PTPRD: variants seen among roughly 807,000 people sequenced by gnomAD.
PTPRD encodes the protein receptor-type tyrosine-protein phosphatase delta.
In PTPRD, 34 loss-of-function variants were observed where a neutral mutation model predicts 214.5. That is an observed-to-expected ratio of 0.16 (90% confidence interval 0.12 to 0.21). PTPRD has a LOEUF of 0.21. Ranked by LOEUF, PTPRD falls within the 10% of genes least tolerant of loss-of-function variation. PTPRD has a pLI of 1.00. For synonymous variants in PTPRD, 1,128 were observed against 845.7 expected (o/e 1.33, Z -5.79); for missense variants, 2,545 against 2,398.7 (o/e 1.06, Z -1.27).
At chr9:10,403,807 GAC>G (rs1449438756) in intron 2 of PTPRD, among the ~76,000 whole-genome samples, 1 of 151,754 alleles carries the variant, frequency 6.6e-6, no homozygotes, top group Non-Finnish European at 1.5e-5. Flanking sequence ...AAACTGTGGA[GAC>G]AGTTAAAAGA....
At chr9:10,479,859 T>C (rs1453069054) in intron 2 of PTPRD, among the ~76,000 whole-genome samples, 3 of 152,028 alleles carry the variant, frequency 2.0e-5, no homozygotes, top group East Asian at 1.9e-4. Context: ...TGCTGAAAAG[T>C]ACATTCCTAA....
chr9:8,408,426 G>A (rs933996263), intron 35 of PTPRD, among the ~76,000 whole-genome samples: 1 of 152,008 alleles, frequency 6.6e-6, no homozygotes, highest in African/African-American at 2.4e-5. Flanking sequence ...GGATACCCTT[G>A]CCTTCCCAGC....
chr9:10,422,983 C>G (rs1470010221), intron 2 of PTPRD, among the ~76,000 whole-genome samples: 2 of 152,066 alleles, frequency 1.3e-5, no homozygotes, highest in African/African-American at 4.8e-5. Flanking sequence ...ATAAATCATG[C>G]CACTATAAAG....
intron 12 of PTPRD, among the ~76,000 whole-genome samples, chr9:8,683,739 G>T (rs1322581466): frequency 6.6e-6 from 1 of 152,196 alleles, no homozygotes; most frequent in Non-Finnish European, 1.5e-5. Context: ...TGGAAGTGAT[G>T]CTATGTGAGT....
At chr9:9,059,865 C>A (rs1461799895) in intron 10 of PTPRD, among the ~76,000 whole-genome samples, 3 of 151,900 alleles carry the variant, frequency 2.0e-5, no homozygotes, top group Non-Finnish European at 4.4e-5. Flanking sequence ...AGGACCCCTA[C>A]AAATAAAATA....
chr9:10,191,344 A>T (rs1025517003), intron 3 of PTPRD, among the ~76,000 whole-genome samples: 1 of 152,148 alleles, frequency 6.6e-6, no homozygotes, highest in African/African-American at 2.4e-5. Context: ...TAAAACTAAT[A>T]CAAATGACAG....
chr9:9,790,575 G>A (rs942228629), intron 5 of PTPRD, among the ~76,000 whole-genome samples: 7 of 152,046 alleles, frequency 4.6e-5, no homozygotes, highest in South Asian at 4.1e-4. Context: ...TTCTTCCTAT[G>A]AACTCAATAC....
intron 11 of PTPRD, among the ~76,000 whole-genome samples, chr9:8,762,163 A>C (rs911396467): frequency 1.3e-5 from 2 of 152,154 alleles, no homozygotes; most frequent in Non-Finnish European, 2.9e-5. Context: ...CACTAAATTA[A>C]ATATATTAGT....
At chr9:9,511,423 T>C (rs1342478102) in intron 8 of PTPRD, among the ~76,000 whole-genome samples, 1 of 151,710 alleles carries the variant, frequency 6.6e-6, no homozygotes, top group Non-Finnish European at 1.5e-5. Flanking sequence ...AGCTGTCAAA[T>C]GGCAAAATCA....
rs58409105 is a variant in PTPRD at position 10,462,734 on chromosome 9, T to TA, written c.-599-121718dup. On this transcript the variant is annotated intron_variant, in intron 2 of 45. Transcript: ENST00000381196. ...AAAGGAAAAAAAAGAAGGATATAAG[T>TA]AAAAAAAAAAAATACTGCATTTCAC... Among the ~76,000 whole-genome samples the TA allele has an allele frequency of 9.0e-4, 128 of 142,202 alleles. 1 individual carries two copies. The highest frequency in any genetic ancestry group is 2.7e-3 in the South Asian group (12 of 4,498). 93.3% of individuals were successfully genotyped at this position (142,202 alleles called of 152,430 possible).
chr9:10,052,759 T>C (rs2154155603), intron 3 of PTPRD, among the ~76,000 whole-genome samples: 1 of 152,250 alleles, frequency 6.6e-6, no homozygotes, highest in South Asian at 2.1e-4. Flanking sequence ...CGAAATTCTT[T>C]CTTTCTTCAA....
intron 2 of PTPRD, among the ~76,000 whole-genome samples, chr9:10,601,713 A>C (rs945148354): frequency 2.0e-5 from 3 of 151,698 alleles, no homozygotes; most frequent in Admixed American, 6.6e-5. Flanking sequence ...TTTTTTAACC[A>C]CTGCTCCTTC....
At chr9:9,690,505 T>C (rs1396321894) in intron 7 of PTPRD, among the ~76,000 whole-genome samples, 3 of 151,890 alleles carry the variant, frequency 2.0e-5, no homozygotes, top group African/African-American at 4.8e-5. Context: ...CATTTGTTTT[T>C]GTTGTCTGTG....
At chr9:8,908,056 A>G (rs1028455804) in intron 11 of PTPRD, among the ~76,000 whole-genome samples, 1 of 152,162 alleles carries the variant, frequency 6.6e-6, no homozygotes, top group Non-Finnish European at 1.5e-5. Context: ...GCAGGAAGAG[A>G]AAAATGACTC....
rs148519137 is a variant in PTPRD at position 9,129,738 on chromosome 9, G to A, written c.-143+53566C>T. ...ATTTTTTTCCCTTTATTATTTAACT[G>A]GAATATACTGTTTGACTACATCCCA... On this transcript the variant is annotated intron_variant, in intron 10 of 45. Coordinates refer to ENST00000381196, the MANE Select transcript of PTPRD (RefSeq NM_002839.4). 4.4e-3 allele frequency among the ~76,000 whole-genome samples: 663 copies of A among 152,152 alleles called. 4 individuals are homozygous for A. Among genetic ancestry groups the A allele is most frequent in the Non-Finnish European group, 6.6e-3 (450 of 67,996 alleles).
Position 9,880,670 on chromosome 9 carries a change from TAC to T in PTPRD, c.-368+57835_-368+57836del, listed in dbSNP as rs1361344925. Among the ~76,000 whole-genome samples the T allele has an allele frequency of 3.3e-5, 5 of 152,308 alleles. No individual in the cohort carries two copies. In the East Asian group the frequency reaches 9.6e-4, roughly 29 times the overall value. On this transcript the variant is annotated intron_variant, in intron 5 of 45. Coordinates refer to ENST00000381196, the MANE Select transcript of PTPRD (RefSeq NM_002839.4). ...CTTGTGTGTGATAAGCAGTGTTTTATACACACTGAGCAGTAATTATTATTACA... is the reference window on the plus strand; with the variant it reads ...CTTGTGTGTGATAAGCAGTGTTTTATACACTGAGCAGTAATTATTATTACA...
chr9:9,901,404 A>T (rs906371177), intron 5 of PTPRD, among the ~76,000 whole-genome samples: 1 of 149,986 alleles, frequency 6.7e-6, no homozygotes, highest in Admixed American at 6.6e-5. Flanking sequence ...ATGAGATCAA[A>T]TCTTAAAAAA....
chr9:8,718,202 G>C (rs1018835188), intron 12 of PTPRD, among the ~76,000 whole-genome samples: 3 of 152,142 alleles, frequency 2.0e-5, no homozygotes, highest in Non-Finnish European at 2.9e-5. Context: ...CTTTCTTCAG[G>C]CTAGAAAAAG....
chr9:9,420,548 G>A (rs957992964), intron 8 of PTPRD, among the ~76,000 whole-genome samples: 10 of 151,826 alleles, frequency 6.6e-5, no homozygotes, highest in African/African-American at 2.4e-4. Flanking sequence ...AATAACTTTG[G>A]GTCTAACAAT....
Sources: gnomAD v4.1 joint callset for allele counts (sites outside exome capture counted in the v4.1 genomes callset) on GRCh38, gnomAD v4.1.1 for gene constraint, MANE v1.5 for transcripts, NCBI Gene and HGNC (gene_info 2026-07-23, HGNC 2026-07-21) for gene names.